SAMD7: variants seen among roughly 807,000 people sequenced by gnomAD.
SAMD7 encodes sterile alpha motif domain containing 7, also known as sterile alpha motif domain-containing protein 7.
SAMD7 carries 34 observed loss-of-function variants against 36.7 expected under a neutral mutation model. That is an observed-to-expected ratio of 0.93 (90% CI 0.71 to 1.23). SAMD7 has a LOEUF of 1.23. Among genes scored for constraint, SAMD7 ranks in the 50% most tolerant of loss-of-function variants. The pLI is 0.00. For synonymous variants in SAMD7, 188 were observed against 189.7 expected, an observed-to-expected ratio of 0.99 and a Z score of 0.07; for missense variants, 570 against 546.6, an observed-to-expected ratio of 1.04 and a Z score of -0.43.
At chr3:169,924,266 T>G (rs1713165484) in intron 4 of SAMD7, among the ~76,000 whole-genome samples, 1 of 151,846 alleles carries the variant, frequency 6.6e-6, no homozygotes, top group African/African-American at 2.4e-5. Context: ...TTTAAAGCAC[T>G]TTACTTGCTT....
intron 7 of SAMD7, 50 bp from the exon 8 acceptor site, chr3:169,936,289 T>C: frequency 8.1e-7 from 1 of 1,232,782 alleles, no homozygotes; most frequent in Non-Finnish European, 1.2e-6. Context: ...AAAAGAACTT[T>C]TTCAAAAAAA....
At chr3:169,927,270 C>A in intron 6 of SAMD7, 89 bp downstream of exon 6, 1 of 753,292 alleles carries the variant, frequency 1.3e-6, no homozygotes, top group Non-Finnish European at 2.0e-6. Flanking sequence ...AACCATCCTG[C>A]CTCTTTTTAT....
At position 169,936,441 on chromosome 3, in the gene SAMD7, C is replaced by G. The variant is rs749332091; in HGVS notation, c.1144C>G (p.Gln382Glu). ...GLKLGPALKI[Q>E]SQVSQHVGSM... ...AAAGCTAGGGCCGGCACTAAAAATT[C>G]AGTCACAGGTATGGTGATTTTATAT... Residue 382 changes from glutamine to glutamate, a missense_variant, in exon 8 of 9, where the codon CAG becomes GAG. Physicochemically the swap from Gln to Glu is conservative, Grantham distance 29 (BLOSUM62 2). Transcript: ENST00000335556. 6 of 1,591,104 alleles carry G rather than the reference C, an allele frequency of 3.8e-6. No individual in the cohort carries two copies.
intron 1 of SAMD7, among the ~76,000 whole-genome samples, chr3:169,912,305 A>G (rs1341156103): frequency 6.6e-6 from 1 of 152,204 alleles, no homozygotes; most frequent in Non-Finnish European, 1.5e-5. Flanking sequence ...ATTTCAGAAA[A>G]ACATTGAGGA....
Position 169,926,698 on chromosome 3 carries a change from C to G in SAMD7, c.436C>G (p.Pro146Ala), listed in dbSNP as rs1364536351. 1 of 1,613,982 alleles carries G rather than the reference C, an allele frequency of 6.2e-7. No homozygotes were observed. The highest frequency in any genetic ancestry group is 2.2e-5 in the East Asian group (1 of 44,864). Reference sequence around the variant, plus strand: ...TGCCTACCATGGCAGGAGCATGCTCCCTGCCGGTGACCTGCATTTTCACAG... The same window carrying G: ...TGCCTACCATGGCAGGAGCATGCTCGCTGCCGGTGACCTGCATTTTCACAG... Reference protein sequence around the residue: ...PAAYHGRSMLPAGDLHFHRST... With the variant: ...PAAYHGRSMLAAGDLHFHRST... The change falls in exon 6 of 9, where the codon CCT (proline) becomes GCT (alanine). Residue 146 changes from proline to alanine, a missense_variant. By Grantham distance (27) the Pro-to-Ala change is conservative. Coordinates refer to ENST00000335556, the MANE Select transcript of SAMD7 (RefSeq NM_001304366.2).
At chr3:169,926,173 CT>C (rs1444483171) in intron 5 of SAMD7, 1 of 766,240 alleles carries the variant, frequency 1.3e-6, no homozygotes, top group Non-Finnish European at 2.0e-6. Context: ...CTTGCAATGT[CT>C]AATTGTCTTT....
chr3:169,937,242 G>A (rs947576089), intron 8 of SAMD7, among the ~76,000 whole-genome samples: 3 of 151,974 alleles, frequency 2.0e-5, no homozygotes, highest in Non-Finnish European at 4.4e-5. Flanking sequence ...GACTGTATTG[G>A]CCTTCTTTTT....
chr3:169,932,838 C>T lies in SAMD7; in HGVS notation c.1042-3501C>T, dbSNP rs116791317. 3.1e-3 allele frequency: 1,877 copies of T among 597,420 alleles called. 28 individuals are homozygous for T. The highest frequency in any genetic ancestry group is 0.03 in the African/African-American group (1,642 of 54,054). 37.0% of individuals were successfully genotyped at this position (597,420 alleles called of 1,614,324 possible). ...CTGTGCCGCCTGGACACCATTAACA[C>T]AGCTGTCTTTGATTACCTGATTGAC... is the stretch of plus-strand genomic sequence containing the variant. On this transcript the variant is annotated intron_variant, in intron 7 of 8. Coordinates refer to ENST00000335556, the MANE Select transcript of SAMD7 (RefSeq NM_001304366.2).
chr3:169,922,837 T>A (rs528245101), intron 4 of SAMD7, among the ~76,000 whole-genome samples: 2 of 152,348 alleles, frequency 1.3e-5, no homozygotes, highest in Non-Finnish European at 2.9e-5. Context: ...ACGATCATTT[T>A]ACATTGGACT....
chr3:169,915,691 TCTC>T (rs1712768485), intron 2 of SAMD7, among the ~76,000 whole-genome samples: 2 of 147,546 alleles, frequency 1.4e-5, no homozygotes, highest in Admixed American at 1.4e-4. Context: ...TTCAAGCAAT[TCTC>T]CTGCCCCAGC....
intron 5 of SAMD7, 70 bp from the exon 6 acceptor site, chr3:169,926,483 C>A: frequency 6.9e-7 from 1 of 1,446,402 alleles, no homozygotes; most frequent in Non-Finnish European, 9.4e-7. Context: ...TTAGGGAAGA[C>A]AAGGGGTCAT....
intron 7 of SAMD7, among the ~76,000 whole-genome samples, chr3:169,935,369 T>C (rs1713681559): frequency 6.6e-6 from 1 of 152,194 alleles, no homozygotes; most frequent in Admixed American, 6.5e-5. Context: ...ACAGTATATG[T>C]GGAGAGATCG....
intron 7 of SAMD7, chr3:169,932,120 T>C: frequency 3.6e-6 from 2 of 554,050 alleles, no homozygotes; most frequent in Admixed American, 5.7e-5. Context: ...CTTGATCCCC[T>C]GAGGGCTTTT....
In SAMD7 at chr3:169,926,700, T is replaced by G. The variant is rs1229435328; in HGVS notation, c.438T>G (p.Pro146=). ...PAAYHGRSML[P]AGDLHFHRST... Reference sequence around the variant, plus strand: ...CCTACCATGGCAGGAGCATGCTCCCTGCCGGTGACCTGCATTTTCACAGAA... The same window carrying G: ...CCTACCATGGCAGGAGCATGCTCCCGGCCGGTGACCTGCATTTTCACAGAA... The change falls in exon 6 of 9, where the codon CCT becomes CCG. Residue 146 remains proline, a synonymous_variant. Transcript: ENST00000335556. The G allele has an allele frequency of 2.5e-6, 4 of 1,613,904 alleles. No homozygotes were observed. The highest frequency in any genetic ancestry group is 2.5e-6 in the Non-Finnish European group (3 of 1,179,996).
At chr3:169,917,194 G>A (rs1187206975) in intron 2 of SAMD7, among the ~76,000 whole-genome samples, 1 of 152,156 alleles carries the variant, frequency 6.6e-6, no homozygotes. Flanking sequence ...TGAAAAAGAA[G>A]CTAACAAAGT....
intron 7 of SAMD7, among the ~76,000 whole-genome samples, chr3:169,929,912 G>A (rs1363433803): frequency 1.3e-5 from 2 of 152,096 alleles, no homozygotes; most frequent in African/African-American, 4.8e-5. Context: ...TTAGTCATTA[G>A]TCATGGGTAA....
At chr3:169,917,959 A>G (rs927589354) in intron 2 of SAMD7, among the ~76,000 whole-genome samples, 1 of 150,548 alleles carries the variant, frequency 6.6e-6, no homozygotes, top group South Asian at 2.1e-4. Context: ...TATTTTTGAG[A>G]TGGAGTCTCT....
chr3:169,936,498 A>G, intron 8 of SAMD7, 49 bp downstream of exon 8: 4 of 957,418 alleles, frequency 4.2e-6, no homozygotes, highest in Middle Eastern at 2.1e-4. Flanking sequence ...ACAAAGCTTA[A>G]TACAAATATG....
chr3:169,926,173 C>A, intron 5 of SAMD7: 1 of 766,358 alleles, frequency 1.3e-6, no homozygotes, highest in Non-Finnish European at 2.0e-6. Context: ...CTTGCAATGT[C>A]TAATTGTCTT....
Sources: gnomAD v4.1 joint callset for allele counts (sites outside exome capture counted in the v4.1 genomes callset) on GRCh38, gnomAD v4.1.1 for gene constraint, MANE v1.5 for transcripts, NCBI Gene and HGNC (gene_info 2026-07-23, HGNC 2026-07-21) for gene names.